DNA2: variants seen among roughly 807,000 people sequenced by gnomAD.
The protein encoded by DNA2 is DNA replication helicase/nuclease 2, also known as DNA replication ATP-dependent helicase/nuclease DNA2.
A neutral mutation model predicts 119.1 loss-of-function variants in DNA2; 101 were observed. The observed-to-expected ratio is 0.85, with a 90% CI of 0.72 to 1.00. The LOEUF (loss-of-function observed/expected upper bound fraction) is 1.00. Among genes scored for constraint, DNA2 ranks in the 50% least tolerant of loss-of-function variants. DNA2 has a pLI of 0.00. For synonymous variants in DNA2, 366 were observed against 424.4 expected, an observed-to-expected ratio of 0.86 and a Z score of 1.69; for missense variants, 1,121 against 1,255.5, an observed-to-expected ratio of 0.89 and a Z score of 1.62.
chr10:68,462,266 G>C (rs1032447557), intron 4 of DNA2, among the ~76,000 whole-genome samples: 1 of 152,118 alleles, frequency 6.6e-6, no homozygotes, highest in African/African-American at 2.4e-5. Flanking sequence ...CAGCTACTCA[G>C]GAGGCTGAGG....
chr10:68,445,146 T>C, intron 7 of DNA2, 63 bp from the exon 8 acceptor site: 1 of 1,427,674 alleles, frequency 7.0e-7, no homozygotes, highest in Non-Finnish European at 9.5e-7. Flanking sequence ...TCTTTTTCAC[T>C]ACATATGTAA....
At position 68,448,932 on chromosome 10, in the gene DNA2, G is replaced by GGTGTGTGTGT. The variant is rs776191186; in HGVS notation, c.939+1086_939+1095dup. ...ACTACAGGCATGTGCCACCACACCA[G>GGTGTGTGTGT]GTGTGTGTGTGTGTGTGTGTGTGTG... On this transcript the variant is annotated intron_variant, in intron 6 of 20. Coordinates refer to ENST00000358410, the MANE Select transcript of DNA2 (RefSeq NM_001080449.3). Among the ~76,000 whole-genome samples, 420 of 142,286 alleles carry GGTGTGTGTGT rather than the reference G, an allele frequency of 3.0e-3. 4 individuals are homozygous for GGTGTGTGTGT. Among genetic ancestry groups the GGTGTGTGTGT allele is most frequent in the Middle Eastern group, 0.011 (3 of 284 alleles). 93.3% of individuals were successfully genotyped at this position (142,286 alleles called of 152,430 possible).
intron 10 of DNA2, 119 bp downstream of exon 10, chr10:68,436,892 C>T: frequency 1.3e-6 from 1 of 757,528 alleles, no homozygotes; most frequent in East Asian, 2.6e-5. Context: ...GTGGTGATAG[C>T]TGCACAACGC....
chr10:68,469,940 CT>C, intron 2 of DNA2, 40 bp downstream of exon 2: 1 of 1,558,326 alleles, frequency 6.4e-7, no homozygotes, highest in Non-Finnish European at 8.7e-7. Flanking sequence ...CGACAGTACC[CT>C]TAAGATTCAA....
At chr10:68,462,333 T>C (rs931444102) in intron 4 of DNA2, among the ~76,000 whole-genome samples, 1 of 152,222 alleles carries the variant, frequency 6.6e-6, no homozygotes, top group Non-Finnish European at 1.5e-5. Flanking sequence ...GTCATGCCAT[T>C]GCAATCCAGC....
chr10:68,461,045 C>T (rs558431354), intron 4 of DNA2, among the ~76,000 whole-genome samples: 26 of 151,926 alleles, frequency 1.7e-4, no homozygotes, highest in Non-Finnish European at 3.4e-4. Context: ...GGAGATATTG[C>T]TCCTGAAACC....
In DNA2 at chr10:68,459,197, T is replaced by C; in HGVS notation, c.626A>G (p.Glu209Gly). 1 of 1,567,738 alleles carries C rather than the reference T, an allele frequency of 6.4e-7. No individual in the cohort carries two copies. Among genetic ancestry groups the C allele is most frequent in the South Asian group, 1.2e-5 (1 of 84,996 alleles). Residue 209 changes from glutamate to glycine, a missense_variant, in exon 5 of 21, where the codon GAA (glutamate) becomes GGA (glycine). Glu to Gly is a moderately conservative substitution (Grantham distance 98). Coordinates refer to ENST00000358410, the MANE Select transcript of DNA2 (RefSeq NM_001080449.3). ...LNLSQDEIKQ[E>G]VEDYLPSFCK... ...AAACGAAGGAAGATAGTCCTCTACT[T>C]CTTGTTTTATTTCATCTTGACTTAG...
chr10:68,415,842 C>T (rs550044312), intron 20 of DNA2, among the ~76,000 whole-genome samples: 9 of 151,830 alleles, frequency 5.9e-5, no homozygotes, highest in African/African-American at 1.7e-4. Context: ...TTAGTAGAGA[C>T]GGGGTTTCAC....
intron 14 of DNA2, chr10:68,424,803 A>G: frequency 1.8e-6 from 2 of 1,126,254 alleles, no homozygotes; most frequent in South Asian, 2.5e-5. Flanking sequence ...TGTCATCTAC[A>G]CTGAGCAGGT....
chr10:68,463,648 G>A (rs1285950572), intron 4 of DNA2, among the ~76,000 whole-genome samples: 12 of 144,000 alleles, frequency 8.3e-5, no homozygotes, highest in Admixed American at 6.4e-4. Flanking sequence ...CAGCCTGAAC[G>A]ACAGAGGAAG....
intron 10 of DNA2, among the ~76,000 whole-genome samples, chr10:68,434,473 C>A (rs1261975068): frequency 2.7e-5 from 2 of 74,828 alleles, no homozygotes; most frequent in Non-Finnish European, 4.5e-5. Flanking sequence ...CGTAGTGAGA[C>A]CCCCCCCATC....
chr10:68,446,100 G>T (rs2052035402), intron 7 of DNA2, among the ~76,000 whole-genome samples, 196 bp downstream of exon 7: 2 of 152,018 alleles, frequency 1.3e-5, no homozygotes, highest in South Asian at 4.1e-4. Flanking sequence ...CTCCAGCCTG[G>T]GCAACAGAGT....
intron 19 of DNA2, among the ~76,000 whole-genome samples, 197 bp from the exon 20 acceptor site, chr10:68,417,052 C>T (rs10823191): frequency 0.02 from 3,050 of 151,922 alleles, 46 homozygotes; most frequent in Non-Finnish European, 0.032. Context: ...AAGACCAGCC[C>T]GTGCAACACA....
At chr10:68,472,414 A>G (rs2052393953), upstream of DNA2, among the ~76,000 whole-genome samples, 1 of 151,916 alleles carries the variant, frequency 6.6e-6, no homozygotes, top group Admixed American at 6.6e-5. Context: ...TCGGATAGGA[A>G]CTCCTTGATC....
intron 10 of DNA2, 140 bp downstream of exon 10, chr10:68,436,871 C>T (rs1351058354): frequency 4.6e-6 from 3 of 649,802 alleles, no homozygotes; most frequent in Non-Finnish European, 7.6e-6. Flanking sequence ...TGAAAATACT[C>T]AAAGTTGATT....
At chr10:68,464,872 C>T (rs2052308197) in intron 4 of DNA2, among the ~76,000 whole-genome samples, 2 of 148,222 alleles carry the variant, frequency 1.3e-5, no homozygotes, top group African/African-American at 5.0e-5. Flanking sequence ...GTAAGGCAGG[C>T]CAGCCATGGT....
intron 5 of DNA2, among the ~76,000 whole-genome samples, chr10:68,454,123 C>T (rs1286595484): frequency 6.6e-6 from 1 of 152,062 alleles, no homozygotes; most frequent in African/African-American, 2.4e-5. Flanking sequence ...CTGCCAGGGT[C>T]CCATGCTGCT....
At chr10:68,472,449 T>G (rs926942708), upstream of DNA2, among the ~76,000 whole-genome samples, 2 of 152,070 alleles carry the variant, frequency 1.3e-5, no homozygotes, top group African/African-American at 4.8e-5. Context: ...TCTACAAAAC[T>G]TCTGGCCAGG....
intron 9 of DNA2, among the ~76,000 whole-genome samples, chr10:68,440,014 A>T (rs529392566): frequency 1.0e-3 from 157 of 149,704 alleles, no homozygotes; most frequent in Middle Eastern, 3.7e-3. Flanking sequence ...AAAAAAAAAA[A>T]TTTTTTTGGC....
Sources: allele counts gnomAD v4.1 joint callset (sites outside exome capture counted in the v4.1 genomes callset), GRCh38; gene constraint gnomAD v4.1.1; transcripts MANE v1.5; gene names NCBI Gene and HGNC (gene_info 2026-07-23, HGNC 2026-07-21).